The following PRUNE2 variants were observed in gnomAD, a reference collection of about 807,000 sequenced individuals.
The protein encoded by PRUNE2 is protein prune homolog 2.
Under a neutral mutation model 252.0 loss-of-function variants are expected in PRUNE2, and 164 were observed. The observed-to-expected ratio is 0.65, with a 90% CI of 0.57 to 0.74. PRUNE2 has a LOEUF of 0.74. Ranked by LOEUF, PRUNE2 falls within the 30% of genes least tolerant of loss-of-function variation. The pLI, the probability that PRUNE2 is intolerant of heterozygous loss-of-function variation, is 0.00. For missense variants in PRUNE2, 3,495 were observed against 3,711.0 expected, an observed-to-expected ratio of 0.94 and a Z score of 1.51; for synonymous variants, 1,292 against 1,350.2, an observed-to-expected ratio of 0.96 and a Z score of 0.94.
chr9:76,717,681 C>CA (rs2047274761), intron 6 of PRUNE2, among the ~76,000 whole-genome samples: 1 of 152,154 alleles, frequency 6.6e-6, no homozygotes, highest in East Asian at 1.9e-4. Flanking sequence ...TTACCACCCC[C>CA]CCCACCAGCC....
In PRUNE2 at chr9:76,614,656, G is replaced by A. The variant is rs58601122; in HGVS notation, c.9237-56C>T. The stretch of plus-strand genomic sequence containing the variant: ...TGAGAAACCAAATGAGAGACATTTA[G>A]TAATGATTTGGGTAGCACTGTGTTT... On this transcript the variant is annotated intron_variant, in intron 18 of 18. Transcript: ENST00000376718. 3,298 of 1,345,504 alleles carry A rather than the reference G, an allele frequency of 2.5e-3. 67 individuals carry two copies. The African/African-American group carries it at 0.043, about 17-fold the overall frequency. 83.3% of individuals were successfully genotyped at this position (1,345,504 alleles called of 1,614,324 possible).
In PRUNE2 at chr9:76,638,188, GA is replaced by G; in HGVS notation, c.8828del (p.Phe2943SerfsTer4). ...ACTTTGTCATAAGTATCACTCACAG[GA>G]AAAGATTTTCCATGACATAGTGGTA... ...ADYHYVMENL[F>X]LYVISTLELM... On this transcript the variant is annotated frameshift_variant, in exon 13 of 19. Transcript: ENST00000376718. LOFTEE classifies it high-confidence loss of function. The G allele has an allele frequency of 6.2e-7, 1 of 1,607,366 alleles. No individual in the cohort carries two copies. Among genetic ancestry groups the G allele is most frequent in the Non-Finnish European group, 8.5e-7 (1 of 1,174,120 alleles).
intron 9 of PRUNE2, among the ~76,000 whole-genome samples, chr9:76,670,092 G>A (rs1313078774): frequency 6.6e-5 from 10 of 152,184 alleles, no homozygotes; most frequent in African/African-American, 1.4e-4. Flanking sequence ...AGCTCCCAGC[G>A]TGAGCGACGC....
chr9:76,636,423 T>C, intron 15 of PRUNE2, 48 bp downstream of exon 15: 1 of 1,005,552 alleles, frequency 9.9e-7, no homozygotes, highest in Non-Finnish European at 1.5e-6. Context: ...GTACATATTT[T>C]TTAAAACTAC....
chr9:76,670,757 C>G (rs577106580), intron 9 of PRUNE2, among the ~76,000 whole-genome samples: 3 of 151,948 alleles, frequency 2.0e-5, no homozygotes, highest in South Asian at 4.2e-4. Context: ...GACCCCCGAG[C>G]AGCCTAACTG....
intron 4 of PRUNE2, among the ~76,000 whole-genome samples, chr9:76,835,417 C>T (rs995482436): frequency 1.3e-5 from 2 of 151,824 alleles, no homozygotes; most frequent in South Asian, 2.1e-4. Context: ...ACTTAGTTTA[C>T]GTTTTTGTCT....
intron 4 of PRUNE2, among the ~76,000 whole-genome samples, chr9:76,832,243 C>T (rs912066828): frequency 1.3e-5 from 2 of 152,040 alleles, no homozygotes; most frequent in African/African-American, 4.8e-5. Flanking sequence ...AACGTTTGAC[C>T]ACCATGAGTA....
chr9:76,823,944 T>C (rs1233322352), intron 5 of PRUNE2, among the ~76,000 whole-genome samples: 1 of 152,120 alleles, frequency 6.6e-6, no homozygotes, highest in African/African-American at 2.4e-5. Context: ...CCTCTTTTGC[T>C]GCAAAAGAAG....
Position 76,711,012 on chromosome 9 carries a change from A to G in PRUNE2, c.1262T>C (p.Val421Ala). Residue 421 changes from valine to alanine, a missense_variant, in exon 8 of 19, where the codon GTA becomes GCA. Physicochemically the swap from Val to Ala is moderately conservative, Grantham distance 64. Coordinates refer to ENST00000376718, the MANE Select transcript of PRUNE2 (RefSeq NM_015225.3). ...TCCGCTGTCTGGGCTAACAAGGTCT[A>G]CATTGGCATCCACCTGAGCCTGGTT... ...DSNQAQVDAN[V>A]DLVSPDSGLA... 6.2e-7 allele frequency: 1 copy of G among 1,613,900 alleles called. No individual in the cohort carries two copies. Among genetic ancestry groups the G allele is most frequent in the South Asian group, 1.1e-5 (1 of 91,064 alleles).
At chr9:76,835,662 C>G (rs75010240) in intron 4 of PRUNE2, among the ~76,000 whole-genome samples, 18,489 of 152,052 alleles carry the variant, frequency 0.12, 1,271 homozygotes, top group East Asian at 0.21. Context: ...CCTCCGTCTT[C>G]GTAAGCAAAA....
At chr9:76,803,778 G>A (rs1251462211) in intron 6 of PRUNE2, among the ~76,000 whole-genome samples, 2 of 152,112 alleles carry the variant, frequency 1.3e-5, no homozygotes, top group Admixed American at 1.3e-4. Flanking sequence ...GAGGTAAGAG[G>A]GGTAGAAAAC....
rs770559261 is a variant in PRUNE2, at chr9:76,711,241, C to A, written c.1033G>T (p.Val345Leu). The A allele has an allele frequency of 6.2e-7, 1 of 1,613,972 alleles. No individual in the cohort carries two copies. The highest frequency in any genetic ancestry group is 1.1e-5 in the South Asian group (1 of 91,076). Residue 345 changes from valine (V) to leucine (L), a missense_variant, in exon 8 of 19, where the codon GTG becomes TTG. Coordinates refer to ENST00000376718, the MANE Select transcript of PRUNE2 (RefSeq NM_015225.3). ...ATGACTTCCTTGACAACGAGAACCACCTGATCACAAGTCACTGAAGGGTCC... is the reference window on the plus strand; with the variant it reads ...ATGACTTCCTTGACAACGAGAACCAACTGATCACAAGTCACTGAAGGGTCC... ...QEDPSVTCDQ[V>L]VLVVKEVINR...
intron 18 of PRUNE2, among the ~76,000 whole-genome samples, chr9:76,618,738 T>C (rs531499696): frequency 2.4e-4 from 37 of 152,356 alleles, no homozygotes; most frequent in South Asian, 1.4e-3. Context: ...CGTCTCTCCA[T>C]GCCTCTCTTT....
At chr9:76,638,310 A>G (rs1841036389) in intron 12 of PRUNE2, 22 bp from the exon 13 acceptor site, 2 of 1,524,384 alleles carry the variant, frequency 1.3e-6, no homozygotes, top group Admixed American at 1.7e-5. Context: ...ACAAAAAGAC[A>G]CTTGTAACCA....
chr9:76,767,819 C>A (rs978892645), intron 6 of PRUNE2, among the ~76,000 whole-genome samples: 18 of 152,188 alleles, frequency 1.2e-4, no homozygotes, highest in African/African-American at 4.3e-4. Context: ...ATCTTCTATC[C>A]GAACACTGTC....
At position 76,703,977 on chromosome 9, in the gene PRUNE2, G is replaced by A; in HGVS notation, c.7636C>T (p.Leu2546=). The change falls in exon 9 of 19, where the codon CTA becomes TTA. Residue 2546 remains leucine, a synonymous_variant. Transcript: ENST00000376718. ...TTTACAAGTATGTAATCCATGTGTA[G>A]TGCATGACGATCTTCATTCTTCTCT... ...CTEKNEDRHA[L]HMDYILVNRE... The A allele has an allele frequency of 1.2e-6, 2 of 1,613,856 alleles. No individual in the cohort carries two copies. Among genetic ancestry groups the A allele is most frequent in the Non-Finnish European group, 1.7e-6 (2 of 1,179,816 alleles).
chr9:76,853,073 C>G (rs1258311304), intron 2 of PRUNE2, among the ~76,000 whole-genome samples: 1 of 152,178 alleles, frequency 6.6e-6, no homozygotes, highest in Non-Finnish European at 1.5e-5. Flanking sequence ...ATATGCATGT[C>G]TTAACAGAGG....
In PRUNE2 at chr9:76,704,103, G is replaced by T. The variant is rs1234721423; in HGVS notation, c.7514-4C>A. 2 of 1,569,008 alleles carry T rather than the reference G, an allele frequency of 1.3e-6. No homozygotes were observed. The highest frequency in any genetic ancestry group is 1.7e-6 in the Non-Finnish European group (2 of 1,159,820). On this transcript the variant is annotated splice_polypyrimidine_tract_variant and splice_region_variant and intron_variant, in intron 8 of 18. Transcript: ENST00000376718. The stretch of plus-strand genomic sequence containing the variant: ...TCTGATATTTCCTTGCTGGCACCTA[G>T]AAGTGGAAGTTGAAAGTGAGAAGAG...
rs771972679 is a variant in PRUNE2, at chr9:76,706,462, C to T, written c.5812G>A (p.Glu1938Lys). The T allele has an allele frequency of 1.2e-6, 2 of 1,613,990 alleles. No homozygotes were observed. The highest frequency in any genetic ancestry group is 8.5e-7 in the Non-Finnish European group (1 of 1,179,884). The change falls in exon 8 of 19, where the codon GAG becomes AAG. Residue 1938 changes from glutamate (E) to lysine (K), a missense_variant. Transcript: ENST00000376718. ...LDQIKEKDSR[E>K]QTFVSAAGDE... The stretch of plus-strand genomic sequence containing the variant: ...CCAGCAGCAGACACAAAGGTTTGCT[C>T]TCTTGAGTCCTTTTCTTTAATTTGG...
Sources: gnomAD v4.1 joint callset for allele counts (sites outside exome capture counted in the v4.1 genomes callset) on GRCh38, gnomAD v4.1.1 for gene constraint, MANE v1.5 for transcripts, NCBI Gene and HGNC (gene_info 2026-07-23, HGNC 2026-07-21) for gene names.